CCDC88C: variants seen among roughly 807,000 people sequenced by gnomAD.
CCDC88C encodes the protein protein Daple.
CCDC88C carries 131 observed loss-of-function variants against 198.8 expected under a neutral mutation model. That is an observed-to-expected ratio of 0.66 (90% CI 0.57 to 0.76). The LOEUF (loss-of-function observed/expected upper bound fraction) is 0.76, where lower values mean the gene tolerates loss of function less well. Among genes scored for constraint, CCDC88C ranks in the 30% least tolerant of loss-of-function variants. The pLI is 0.00. For missense variants in CCDC88C, 2,553 were observed against 2,631.6 expected, an observed-to-expected ratio of 0.97 and a Z score of 0.65; for synonymous variants, 1,166 against 1,114.7, an observed-to-expected ratio of 1.05 and a Z score of -0.92.
Position 91,353,093 on chromosome 14 carries a change from G to A in CCDC88C, c.340+6549C>T, listed in dbSNP as rs1893887702. 2.0e-5 allele frequency among the ~76,000 whole-genome samples: 3 copies of A among 152,154 alleles called. No individual in the cohort carries two copies. In the South Asian group the frequency reaches 6.2e-4, roughly 32 times the overall value. The stretch of plus-strand genomic sequence containing the variant: ...CAGGAGAGCAAATCAATACTGAGAG[G>A]GTTAAATATTAAATTCCAAGGAGTT... On this transcript the variant is annotated intron_variant, in intron 4 of 29. Transcript: ENST00000389857.
chr14:91,273,745 A>T lies in CCDC88C; in HGVS notation c.5059-92T>A, dbSNP rs1462912116. On this transcript the variant is annotated intron_variant, in intron 29 of 29. Transcript: ENST00000389857. This position sits in a 1 kb window ranked among gnomAD's most constrained non-coding sequence, Gnocchi z 5.6. ...TGCGCGGGACGCCCCCGAGCAGCCCACGTGGCTGGGACCGCAGTTCCTGCC... is the reference window on the plus strand; with the variant it reads ...TGCGCGGGACGCCCCCGAGCAGCCCTCGTGGCTGGGACCGCAGTTCCTGCC... 9 of 1,165,114 alleles carry T rather than the reference A, an allele frequency of 7.7e-6. No individual in the cohort carries two copies. Among genetic ancestry groups the T allele is most frequent in the Non-Finnish European group, 1.0e-5 (9 of 879,864 alleles). The allele number at this position is 1,165,114 out of a possible 1,614,324, so 72.2% of individuals were successfully genotyped here.
chr14:91,305,157 C>G (rs946250854), intron 19 of CCDC88C, among the ~76,000 whole-genome samples: 2 of 152,154 alleles, frequency 1.3e-5, no homozygotes, highest in Non-Finnish European at 2.9e-5. Context: ...GAGATCGCAC[C>G]ACTGCACTCC....
chr14:91,414,695 T>A (rs1440561392), intron 2 of CCDC88C, among the ~76,000 whole-genome samples: 1 of 152,166 alleles, frequency 6.6e-6, no homozygotes, highest in African/African-American at 2.4e-5. Context: ...AAGCCAGCCA[T>A]TCAGCCTCCC....
rs770223442 is a variant in CCDC88C at position 91,314,084 on chromosome 14, G to C, written c.1732C>G (p.Gln578Glu). The C allele has an allele frequency of 1.9e-6, 3 of 1,613,648 alleles. No homozygotes were observed. In the African/African-American group the frequency reaches 4.0e-5, roughly 22 times the overall value. Reference sequence around the variant, plus strand: ...TTCATGCGGGCCTCACTGCTGACCTGCGACCTCTCCCGCAGCGACCACATG... The same window carrying C: ...TTCATGCGGGCCTCACTGCTGACCTCCGACCTCTCCCGCAGCGACCACATG... ...RAMWSLRERS[Q>E]VSSEARMKDV... is the part of the protein sequence containing the mutation. The change falls in exon 15 of 30, where the codon CAG becomes GAG. Residue 578 changes from glutamine to glutamate, a missense_variant. Gln to Glu is a conservative substitution (Grantham distance 29, BLOSUM62 2). This residue lies in a region of CCDC88C where 1,260 missense variants were observed against 1,412.0 expected (regional missense o/e 0.89). Coordinates refer to ENST00000389857, the MANE Select transcript of CCDC88C (RefSeq NM_001080414.4).
rs568197955 is a variant in CCDC88C, at chr14:91,325,352, A to G, written c.1198-429T>C. On this transcript the variant is annotated intron_variant, in intron 11 of 29. Transcript: ENST00000389857. This position sits in a 1 kb window ranked among gnomAD's most constrained non-coding sequence, Gnocchi z 4.1. ...CCCTTCTTCCAAGACACACACACAC[A>G]CTCATTCCTACAGAAAAGCAATACA... Among the ~76,000 whole-genome samples, 104 of 151,964 alleles carry G rather than the reference A, an allele frequency of 6.8e-4. No individual in the cohort carries two copies. The highest frequency in any genetic ancestry group is 2.5e-3 in the African/African-American group (103 of 41,412).
At chr14:91,285,910 T>C (rs1596022427) in intron 25 of CCDC88C, 3 of 905,136 alleles carry the variant, frequency 3.3e-6, no homozygotes, top group South Asian at 1.5e-5. Context: ...TGAACAATAA[T>C]GACAAATGAA....
At chr14:91,281,282 G>T in intron 27 of CCDC88C, 175 bp downstream of exon 27, 1 of 1,495,832 alleles carries the variant, frequency 6.7e-7, no homozygotes, top group Non-Finnish European at 9.0e-7. Flanking sequence ...CTGGAGGTAT[G>T]TAAGTAGAAG....
At position 91,417,782 on chromosome 14, in the gene CCDC88C, G is replaced by A. The variant is rs1887150728; in HGVS notation, c.-92C>T. On this transcript the variant is annotated 5_prime_UTR_variant, in exon 1 of 30. Transcript: ENST00000389857. ...AAAACGGCTCCGCAGCGAGCAGCGG[G>A]CGCGGGGCTGCGGCGGCTCGCGCCC... is the stretch of plus-strand genomic sequence containing the variant. 2.2e-6 allele frequency: 2 copies of A among 890,354 alleles called. No homozygotes were observed. The highest frequency in any genetic ancestry group is 2.9e-6 in the Non-Finnish European group (2 of 692,212). The allele number at this position is 890,354 out of a possible 1,614,324, so 55.2% of individuals were successfully genotyped here.
intron 3 of CCDC88C, among the ~76,000 whole-genome samples, chr14:91,360,629 C>T (rs532101000): frequency 2.0e-5 from 3 of 152,262 alleles, no homozygotes; most frequent in South Asian, 2.1e-4. Flanking sequence ...CTGCCCAGCC[C>T]GAGGTGGGGC....
chr14:91,416,925 G>C, intron 1 of CCDC88C, 87 bp from the exon 2 acceptor site: 1 of 885,794 alleles, frequency 1.1e-6, no homozygotes, highest in Non-Finnish European at 1.8e-6. Flanking sequence ...GAGACTGGAC[G>C]GGTCAGTGTG....
chr14:91,329,187 C>T (rs1892707536), intron 10 of CCDC88C, among the ~76,000 whole-genome samples: 3 of 152,226 alleles, frequency 2.0e-5, no homozygotes, highest in Admixed American at 2.0e-4. Flanking sequence ...ACTTCACCCA[C>T]TTTGAGAAGC....
rs1310309389 is a variant in CCDC88C at position 91,313,791 on chromosome 14, G to A, written c.2025C>T (p.Asn675=). 1.3e-5 allele frequency: 21 copies of A among 1,605,838 alleles called. No homozygotes were observed. The highest frequency in any genetic ancestry group is 1.8e-5 in the Non-Finnish European group (21 of 1,178,994). The change falls in exon 15 of 30, where the codon AAC becomes AAT. Residue 675 remains asparagine, a synonymous_variant. Transcript: ENST00000389857. The surrounding 1 kb of genome is among the most constrained non-coding windows in gnomAD (Gnocchi z 5.2). ...TGTCCAGAGACTTCCTCAGAGTCCG[G>A]TTCTCCAGCTGCAGGCCCTGGCTCT... ...EHESQGLQLE[N]RTLRKSLDTL... is the part of the protein sequence containing the mutation.
chr14:91,359,160 C>CTTTTTTT (rs950112450), intron 4 of CCDC88C, among the ~76,000 whole-genome samples: 83 of 108,656 alleles, frequency 7.6e-4, no homozygotes, highest in Non-Finnish European at 1.1e-3. Flanking sequence ...AGGCTTCATT[C>CTTTTTTT]TTTTTTTTTT....
At chr14:91,363,117 G>A (rs1040838650) in intron 3 of CCDC88C, among the ~76,000 whole-genome samples, 2 of 152,032 alleles carry the variant, frequency 1.3e-5, no homozygotes, top group African/African-American at 4.8e-5. Context: ...TGCCAGGGCT[G>A]TCCAGCAATA....
intron 25 of CCDC88C, chr14:91,285,699 G>A (rs1374573006): frequency 1.6e-6 from 2 of 1,288,992 alleles, no homozygotes; most frequent in Non-Finnish European, 2.0e-6. Flanking sequence ...GAGAAAGAGA[G>A]AGGCTCGTTA....
Position 91,339,383 on chromosome 14 carries a change from T to G in CCDC88C, c.704A>C (p.Asp235Ala). 1 of 1,612,376 alleles carries G rather than the reference T, an allele frequency of 6.2e-7. No homozygotes were observed. Among genetic ancestry groups the G allele is most frequent in the Non-Finnish European group, 8.5e-7 (1 of 1,179,472 alleles). ...PPSPIKSSSA[D>A]STPSPTSSLS... ...GCTGCTGGTGGGGCTGGGAGTGGAG[T>G]CGGCGCTGGAGGACTTGATGGGGCT... The change falls in exon 8 of 30, where the codon GAC (aspartate) becomes GCC (alanine). Residue 235 changes from aspartate to alanine, a missense_variant. Asp to Ala is a moderately radical substitution (Grantham distance 126). Transcript: ENST00000389857. This position sits in a 1 kb window ranked among gnomAD's most constrained non-coding sequence, Gnocchi z 5.8.
At chr14:91,384,028 C>T (rs1330856239) in intron 3 of CCDC88C, among the ~76,000 whole-genome samples, 2 of 152,148 alleles carry the variant, frequency 1.3e-5, no homozygotes, top group Admixed American at 6.5e-5. Flanking sequence ...TGGTGCATCC[C>T]GGGAAGATGT....
intron 3 of CCDC88C, among the ~76,000 whole-genome samples, chr14:91,401,252 A>T (rs1766433106): frequency 6.9e-6 from 1 of 145,662 alleles, no homozygotes; most frequent in African/African-American, 2.5e-5. Flanking sequence ...ATTATATATT[A>T]TATAATATAT....
intron 3 of CCDC88C, among the ~76,000 whole-genome samples, chr14:91,386,013 C>T (rs572887716): frequency 4.4e-4 from 67 of 152,126 alleles, no homozygotes; most frequent in South Asian, 6.2e-4. Flanking sequence ...CATGTGTGAC[C>T]CTGAGCAAGC....
Sources: allele counts gnomAD v4.1 joint callset (sites outside exome capture counted in the v4.1 genomes callset), GRCh38; gene constraint gnomAD v4.1.1; regional missense constraint gnomAD v4.1.1; non-coding constraint Gnocchi (gnomAD v3.1); transcripts MANE v1.5; gene names NCBI Gene and HGNC (gene_info 2026-07-23, HGNC 2026-07-21).